Variants in PCDHGA9 observed in about 807,000 individuals in gnomAD.
The protein encoded by PCDHGA9 is protocadherin gamma subfamily A, 9, also known as protocadherin gamma-A9.
In PCDHGA9, 37 loss-of-function variants were observed where a neutral mutation model predicts 62.5. The observed-to-expected ratio is 0.59, with a 90% CI of 0.46 to 0.78. The LOEUF (loss-of-function observed/expected upper bound fraction) is 0.78, where lower values mean the gene tolerates loss of function less well. PCDHGA9 is among the 30% of genes least tolerant of loss of function. The pLI is 0.00. For synonymous variants in PCDHGA9, 459 were observed against 484.6 expected (o/e 0.95, Z 0.69); for missense variants, 1,138 against 1,166.2 (o/e 0.98, Z 0.35).
At chr5:141,481,533 T>TG (rs1246139713) in intron 1 of PCDHGA9, among the ~76,000 whole-genome samples, 2 of 152,200 alleles carry the variant, frequency 1.3e-5, no homozygotes, top group Admixed American at 6.5e-5. Context: ...AATCTAGAGA[T>TG]GGGGCTGGGC....
intron 1 of PCDHGA9, chr5:141,428,257 G>A: frequency 1.2e-6 from 1 of 865,864 alleles, no homozygotes; most frequent in Non-Finnish European, 1.9e-6. Context: ...AGACTTCAGT[G>A]ACAGTCCTGT....
chr5:141,460,983 G>GTGTATA (rs1554142949), intron 1 of PCDHGA9, among the ~76,000 whole-genome samples: 24 of 137,844 alleles, frequency 1.7e-4, no homozygotes, highest in African/African-American at 5.4e-4. Context: ...GTGTGTGTGT[G>GTGTATA]TATATATATA....
At chr5:141,419,017 A>G (rs1478763916) in intron 1 of PCDHGA9, 4 of 1,613,928 alleles carry the variant, frequency 2.5e-6, no homozygotes, top group Non-Finnish European at 3.4e-6. Flanking sequence ...GGTGTAGCTT[A>G]AGTAGAGGTG....
chr5:141,469,731 C>T (rs1332201791), intron 1 of PCDHGA9, among the ~76,000 whole-genome samples: 1 of 152,214 alleles, frequency 6.6e-6, no homozygotes, highest in Non-Finnish European at 1.5e-5. Context: ...ATCATAAATA[C>T]ACACCTCAAA....
chr5:141,458,556 T>C (rs1424881453), intron 1 of PCDHGA9, among the ~76,000 whole-genome samples: 1 of 145,670 alleles, frequency 6.9e-6, no homozygotes, highest in Non-Finnish European at 1.5e-5. Flanking sequence ...TTGTTTGTTT[T>C]GGTTTTGGGT....
chr5:141,507,525 A>T (rs1053801558), intron 3 of PCDHGA9, among the ~76,000 whole-genome samples: 1 of 152,000 alleles, frequency 6.6e-6, no homozygotes, highest in Non-Finnish European at 1.5e-5. Context: ...ATGATTCCAG[A>T]GAGGCCAGAG....
chr5:141,483,245 A>G (rs2099578786), intron 1 of PCDHGA9, among the ~76,000 whole-genome samples: 1 of 151,456 alleles, frequency 6.6e-6, no homozygotes, highest in Non-Finnish European at 1.5e-5. Flanking sequence ...TGATATGCAT[A>G]TATCATGAGG....
intron 1 of PCDHGA9, among the ~76,000 whole-genome samples, chr5:141,453,049 G>C (rs1287375098): frequency 1.3e-5 from 2 of 152,222 alleles, no homozygotes; most frequent in East Asian, 3.9e-4. Context: ...TCTATTATGT[G>C]CAGTTTTAGA....
intron 1 of PCDHGA9, among the ~76,000 whole-genome samples, chr5:141,445,277 A>G (rs769047096): frequency 6.6e-6 from 1 of 152,256 alleles, no homozygotes; most frequent in African/African-American, 2.4e-5. Flanking sequence ...ACCACTCTGC[A>G]TAAGTTCAGG....
At chr5:141,415,425 T>G (rs777503392) in intron 1 of PCDHGA9, 7 of 1,614,080 alleles carry the variant, frequency 4.3e-6, no homozygotes, top group African/African-American at 1.3e-5. Context: ...TGGACGGGGT[T>G]CGGGCTTTCC....
intron 1 of PCDHGA9, among the ~76,000 whole-genome samples, chr5:141,459,101 C>A (rs1021289352): frequency 6.6e-6 from 1 of 152,192 alleles, no homozygotes; most frequent in Non-Finnish European, 1.5e-5. Context: ...CAGTGCAATG[C>A]ATTTTGACAA....
At chr5:141,412,779 C>A (rs966431850) in intron 1 of PCDHGA9, among the ~76,000 whole-genome samples, 6 of 152,168 alleles carry the variant, frequency 3.9e-5, no homozygotes, top group Non-Finnish European at 7.3e-5. Context: ...ACAATATTTT[C>A]ACTCCACTTT....
chr5:141,464,823 C>T (rs890811354), intron 1 of PCDHGA9, among the ~76,000 whole-genome samples: 5 of 151,986 alleles, frequency 3.3e-5, no homozygotes, highest in African/African-American at 1.2e-4. Flanking sequence ...ACTGTAGCCT[C>T]GCACTCCTGG....
intron 1 of PCDHGA9, chr5:141,424,481 G>A (rs1397559058): frequency 6.6e-6 from 1 of 152,056 alleles, no homozygotes; most frequent in Non-Finnish European, 1.5e-5. Flanking sequence ...TTACTTTGGT[G>A]TCTGTGTTTG....
intron 1 of PCDHGA9, among the ~76,000 whole-genome samples, chr5:141,492,408 C>T (rs1187024017): frequency 2.0e-5 from 3 of 152,244 alleles, no homozygotes; most frequent in African/African-American, 2.4e-5. Flanking sequence ...CTCCCCTCTG[C>T]CGCTCCCTCC....
intron 1 of PCDHGA9, chr5:141,422,266 G>A (rs1393466157): frequency 6.4e-7 from 1 of 1,563,654 alleles, no homozygotes; most frequent in Non-Finnish European, 8.6e-7. Context: ...TAACGCTCCA[G>A]AAATAACTAT....
rs770788893 is a variant in PCDHGA9 at position 141,403,151 on chromosome 5, G to T, written c.199G>T (p.Val67Phe). The change falls in exon 1 of 4, where the codon GTC becomes TTC. Residue 67 changes from valine (V) to phenylalanine (F), a missense_variant. Val to Phe is a conservative substitution (Grantham distance 50). Coordinates refer to ENST00000573521, the MANE Select transcript of PCDHGA9 (RefSeq NM_018921.3). Reference protein sequence around the residue: ...RELAERRVRIVSRGRTQLFSL... With the variant: ...RELAERRVRIFSRGRTQLFSL... ...GCTGGCGGAGCGCCGAGTCCGCATC[G>T]TCTCTAGAGGTAGGACGCAGCTTTT... 1.3e-5 allele frequency: 21 copies of T among 1,613,914 alleles called. No individual in the cohort carries two copies. In the Admixed American group the frequency reaches 3.5e-4, roughly 27 times the overall value.
chr5:141,436,393 A>G (rs560164691), intron 1 of PCDHGA9, among the ~76,000 whole-genome samples: 2 of 152,342 alleles, frequency 1.3e-5, no homozygotes, highest in South Asian at 4.1e-4. Context: ...GCTTTATTAA[A>G]TAGTTGTTGA....
At position 141,493,332 on chromosome 5, in the gene PCDHGA9, C is replaced by T. The variant is rs2099747680; in HGVS notation, c.2425-1475C>T. 6.6e-6 allele frequency among the ~76,000 whole-genome samples: 1 copy of T among 152,210 alleles called. No homozygotes were observed. The highest frequency in any genetic ancestry group is 1.5e-5 in the Non-Finnish European group (1 of 68,036). Reference sequence around the variant, plus strand: ...AAGAGAGATTCTAACCCCTGTCTAACTCCAGAATGTGTGCTTTTAATTTCT... The same window carrying T: ...AAGAGAGATTCTAACCCCTGTCTAATTCCAGAATGTGTGCTTTTAATTTCT... On this transcript the variant is annotated intron_variant, in intron 1 of 3. Transcript: ENST00000573521. This position sits in a 1 kb window ranked among gnomAD's most constrained non-coding sequence, Gnocchi z 4.3.
Sources: allele counts gnomAD v4.1 joint callset (sites outside exome capture counted in the v4.1 genomes callset), GRCh38; gene constraint gnomAD v4.1.1; non-coding constraint Gnocchi (gnomAD v3.1); transcripts MANE v1.5; gene names NCBI Gene and HGNC (gene_info 2026-07-23, HGNC 2026-07-21).